TTC28: variants seen among roughly 807,000 people sequenced by gnomAD.
The protein encoded by TTC28 is tetratricopeptide repeat domain 28, also known as tetratricopeptide repeat protein 28.
TTC28 carries 61 observed loss-of-function variants against 198.0 expected under a neutral mutation model. That is an observed-to-expected ratio of 0.31 (90% CI 0.25 to 0.38). TTC28 has a LOEUF of 0.38. TTC28 is among the 10% of genes least tolerant of loss of function. The pLI is 1.00. For missense variants in TTC28, 2,678 were observed against 3,164.0 expected (o/e 0.85, Z 3.69); for synonymous variants, 1,171 against 1,297.8 (o/e 0.90, Z 2.10).
At chr22:28,390,182 A>G (rs1326597259) in intron 2 of TTC28, among the ~76,000 whole-genome samples, 1 of 152,098 alleles carries the variant, frequency 6.6e-6, no homozygotes, top group Non-Finnish European at 1.5e-5. Flanking sequence ...CTGAGTTCTA[A>G]TTTGATTGCA....
chr22:28,559,623 C>T (rs1445153790), intron 2 of TTC28, among the ~76,000 whole-genome samples: 1 of 152,208 alleles, frequency 6.6e-6, no homozygotes, highest in Admixed American at 6.5e-5. Context: ...ATCATCCATC[C>T]TATAACCAAA....
intron 12 of TTC28, among the ~76,000 whole-genome samples, chr22:28,086,074 AC>A (rs1263582433): frequency 1.3e-5 from 2 of 152,164 alleles, no homozygotes; most frequent in Non-Finnish European, 2.9e-5. Flanking sequence ...GGAGACTTTA[AC>A]ACCCCACTGT....
intron 1 of TTC28, among the ~76,000 whole-genome samples, chr22:28,651,321 A>G (rs2051560584): frequency 1.7e-5 from 2 of 116,152 alleles, no homozygotes; most frequent in Non-Finnish European, 1.8e-5. Flanking sequence ...CTTTTTTTTG[A>G]GACAGGGTCT....
At chr22:28,632,211 G>T (rs1382568415) in intron 1 of TTC28, among the ~76,000 whole-genome samples, 1 of 144,862 alleles carries the variant, frequency 6.9e-6, no homozygotes, top group Admixed American at 7.0e-5. Flanking sequence ...AACATTAAAG[G>T]ATTCTGTAAG....
At chr22:28,301,718 A>C (rs2045031296) in intron 3 of TTC28, among the ~76,000 whole-genome samples, 1 of 152,198 alleles carries the variant, frequency 6.6e-6, no homozygotes, top group South Asian at 2.1e-4. Context: ...ATGTGTCATC[A>C]TAATAGTCGG....
chr22:28,621,562 T>A (rs934348192), intron 2 of TTC28, among the ~76,000 whole-genome samples: 5 of 148,482 alleles, frequency 3.4e-5, no homozygotes, highest in Admixed American at 6.7e-5. Context: ...AAAAAAATAA[T>A]AATAATAAAA....
intron 5 of TTC28, among the ~76,000 whole-genome samples, chr22:28,174,310 C>T (rs1408812347): frequency 2.0e-5 from 3 of 152,116 alleles, no homozygotes; most frequent in African/African-American, 4.8e-5. Flanking sequence ...CAATAAGATG[C>T]TCAAAAATTT....
At chr22:28,454,534 A>C (rs1349735290) in intron 2 of TTC28, among the ~76,000 whole-genome samples, 1 of 152,212 alleles carries the variant, frequency 6.6e-6, no homozygotes, top group Non-Finnish European at 1.5e-5. Context: ...TACACCCAGG[A>C]GTAAGTCAGA....
intron 2 of TTC28, among the ~76,000 whole-genome samples, chr22:28,536,508 C>T (rs1377385025): frequency 3.3e-5 from 5 of 151,332 alleles, no homozygotes; most frequent in African/African-American, 1.2e-4. Flanking sequence ...CCTGTAGTCC[C>T]GGCTACTCGC....
At chr22:28,306,210 C>A (rs2045142283) in intron 3 of TTC28, among the ~76,000 whole-genome samples, 1 of 152,064 alleles carries the variant, frequency 6.6e-6, no homozygotes, top group Admixed American at 6.6e-5. Flanking sequence ...ATCCCGAAAG[C>A]CAAAGAAGTT....
Position 28,604,601 on chromosome 22 carries a change from G to A in TTC28, c.381+24951C>T, listed in dbSNP as rs577634925. 1.9e-4 allele frequency among the ~76,000 whole-genome samples: 29 copies of A among 151,658 alleles called. No individual in the cohort carries two copies. The South Asian group carries it at 5.0e-3, about 26-fold the overall frequency. ...TCTACTAAAAATACAGAAATTAGCC[G>A]AGCATGGTGGTGGGAGCCTGTAATC... On this transcript the variant is annotated intron_variant, in intron 2 of 22. Transcript: ENST00000397906.
intron 2 of TTC28, among the ~76,000 whole-genome samples, chr22:28,553,283 G>A (rs2049723148): frequency 6.6e-6 from 1 of 150,778 alleles, no homozygotes. Context: ...CTGCCTGGCT[G>A]CCCAGTCTGG....
chr22:28,275,063 A>G lies in TTC28; in HGVS notation c.933+21135T>C, dbSNP rs181601454. On this transcript the variant is annotated intron_variant, in intron 5 of 22. Coordinates refer to ENST00000397906, the MANE Select transcript of TTC28 (RefSeq NM_001145418.2). The stretch of plus-strand genomic sequence containing the variant: ...GATCAAGAAAACAAATGTAAATACA[A>G]TATCTTGAACCCCACAGCAAGGAGC... 3.2e-4 allele frequency among the ~76,000 whole-genome samples: 48 copies of G among 152,164 alleles called. No homozygotes were observed. The East Asian group carries it at 8.3e-3, about 26-fold the overall frequency.
intron 5 of TTC28, among the ~76,000 whole-genome samples, chr22:28,197,671 T>G (rs1433847758): frequency 6.6e-6 from 1 of 151,906 alleles, no homozygotes; most frequent in Non-Finnish European, 1.5e-5. Flanking sequence ...GCAAAAAAAT[T>G]TCCTGAAAAA....
chr22:28,351,318 T>C (rs2145932003), intron 2 of TTC28, among the ~76,000 whole-genome samples: 1 of 152,344 alleles, frequency 6.6e-6, no homozygotes, highest in East Asian at 1.9e-4. Flanking sequence ...CTTAGTTTTA[T>C]GTGTGTAAAG....
At chr22:28,656,702 A>C (rs951937792) in intron 1 of TTC28, among the ~76,000 whole-genome samples, 10 of 152,076 alleles carry the variant, frequency 6.6e-5, no homozygotes, top group Non-Finnish European at 1.3e-4. Flanking sequence ...ATCTCGTGCT[A>C]CTCTGAAGTG....
At chr22:28,160,978 A>G (rs1921104257) in intron 6 of TTC28, among the ~76,000 whole-genome samples, 2 of 152,188 alleles carry the variant, frequency 1.3e-5, no homozygotes, top group South Asian at 4.1e-4. Flanking sequence ...GAGCATGCCA[A>G]CTACTGATAC....
At chr22:28,251,000 C>A (rs1313795683) in intron 5 of TTC28, among the ~76,000 whole-genome samples, 1 of 152,180 alleles carries the variant, frequency 6.6e-6, no homozygotes, top group Non-Finnish European at 1.5e-5. Context: ...ATTTTCAAGT[C>A]ATCAGCTAGG....
intron 6 of TTC28, among the ~76,000 whole-genome samples, chr22:28,124,201 T>G (rs1033819387): frequency 2.3e-5 from 3 of 132,266 alleles, no homozygotes; most frequent in African/African-American, 8.5e-5. Flanking sequence ...TGTTGTTGTT[T>G]GTTTTTTGTT....
Sources: gnomAD v4.1 joint callset for allele counts (sites outside exome capture counted in the v4.1 genomes callset) on GRCh38, gnomAD v4.1.1 for gene constraint, MANE v1.5 for transcripts, NCBI Gene and HGNC (gene_info 2026-07-23, HGNC 2026-07-21) for gene names.